Variants in RFX4 observed in about 807,000 individuals in gnomAD.
The protein encoded by RFX4 is transcription factor RFX4.
A neutral mutation model predicts 95.0 loss-of-function variants in RFX4; 10 were observed. The ratio of observed to expected loss-of-function variants is 0.11; its 90% confidence interval spans 0.06 to 0.18. The LOEUF (loss-of-function observed/expected upper bound fraction) is 0.18, where lower values mean the gene tolerates loss of function less well. Ranked by LOEUF, RFX4 falls within the 10% of genes least tolerant of loss-of-function variation. The probability of loss-of-function intolerance (pLI) is 1.00; values close to 1 mark genes in which losing one functional copy is unlikely to be tolerated. For synonymous variants in RFX4, 321 were observed against 340.7 expected, an observed-to-expected ratio of 0.94 and a Z score of 0.64; for missense variants, 640 against 922.0, an observed-to-expected ratio of 0.69 and a Z score of 3.96.
chr12:106,610,873 T>C (rs2039946889), intron 2 of RFX4, among the ~76,000 whole-genome samples: 1 of 152,232 alleles, frequency 6.6e-6, no homozygotes, highest in Non-Finnish European at 1.5e-5. Context: ...CTGTGTTTAA[T>C]TTTTTGAGAA....
intron 8 of RFX4, among the ~76,000 whole-genome samples, chr12:106,706,434 C>T (rs578183687): frequency 2.6e-5 from 4 of 152,190 alleles, no homozygotes; most frequent in South Asian, 4.1e-4. Context: ...TGAGAGATGA[C>T]GGCAGCCTGA....
At chr12:106,684,195 C>A (rs928328010) in intron 5 of RFX4, among the ~76,000 whole-genome samples, 1 of 152,040 alleles carries the variant, frequency 6.6e-6, no homozygotes, top group Non-Finnish European at 1.5e-5. Flanking sequence ...GGTGAAACCC[C>A]ATCTCTACAA....
chr12:106,606,950 A>G (rs1284213054), intron 1 of RFX4, among the ~76,000 whole-genome samples: 1 of 152,210 alleles, frequency 6.6e-6, no homozygotes, highest in Non-Finnish European at 1.5e-5. Context: ...ATGAGGAGTC[A>G]CATTACTTAA....
chr12:106,697,835 G>A (rs1173575850), intron 8 of RFX4, among the ~76,000 whole-genome samples: 1 of 152,116 alleles, frequency 6.6e-6, no homozygotes, highest in Non-Finnish European at 1.5e-5. Flanking sequence ...CTAGGCAAGG[G>A]TGGACATCTT....
intron 4 of RFX4, among the ~76,000 whole-genome samples, chr12:106,666,595 G>A (rs551114253): frequency 4.0e-5 from 6 of 151,638 alleles, no homozygotes; most frequent in South Asian, 4.2e-4. Context: ...TGTTCTGTTC[G>A]GTTTTTCAGT....
chr12:106,734,710 T>A (rs1384599192), intron 15 of RFX4, among the ~76,000 whole-genome samples: 3 of 152,166 alleles, frequency 2.0e-5, no homozygotes, highest in African/African-American at 7.2e-5. Context: ...AGAGAGAGTC[T>A]ATATCCAAAG....
intron 1 of RFX4, among the ~76,000 whole-genome samples, chr12:106,587,827 G>A (rs2039483797): frequency 6.6e-6 from 1 of 152,250 alleles, no homozygotes; most frequent in Admixed American, 6.5e-5. Context: ...GAACGGAACG[G>A]GAAGAGAAGG....
chr12:106,652,704 T>A (rs1386245017), intron 3 of RFX4, among the ~76,000 whole-genome samples: 1 of 152,182 alleles, frequency 6.6e-6, no homozygotes, highest in Non-Finnish European at 1.5e-5. Context: ...GTATTCCCCC[T>A]CTGTGGGGTT....
chr12:106,742,118 A>G (rs562754492), intron 15 of RFX4, among the ~76,000 whole-genome samples: 2 of 152,250 alleles, frequency 1.3e-5, no homozygotes, highest in South Asian at 4.2e-4. Flanking sequence ...GTAGCTTGGG[A>G]AGCACTCTAA....
chr12:106,648,978 C>A (rs111285470), intron 3 of RFX4, among the ~76,000 whole-genome samples: 1 of 152,002 alleles, frequency 6.6e-6, no homozygotes, highest in South Asian at 2.1e-4. Flanking sequence ...CAGATAATGA[C>A]TCATGTTAGC....
chr12:106,725,784 G>A (rs1462570399), intron 13 of RFX4, among the ~76,000 whole-genome samples: 1 of 152,072 alleles, frequency 6.6e-6, no homozygotes, highest in East Asian at 1.9e-4. Context: ...GCACAAAATA[G>A]CATGGTAGAA....
chr12:106,669,839 G>GGTGT (rs60975691), intron 4 of RFX4, among the ~76,000 whole-genome samples: 1,680 of 143,216 alleles, frequency 0.012, 16 homozygotes, highest in South Asian at 0.039. Flanking sequence ...TTTTTCTAGG[G>GGTGT]GTGTGTGTGT....
At chr12:106,664,572 T>TA (rs2041137137) in intron 4 of RFX4, among the ~76,000 whole-genome samples, 1 of 151,832 alleles carries the variant, frequency 6.6e-6, no homozygotes, top group South Asian at 2.1e-4. Flanking sequence ...CTCTAATTCT[T>TA]ATTGTATCTT....
rs1307401340 is a variant in RFX4, at chr12:106,591,261, CCT to C, written c.43+7899_43+7900del. Among the ~76,000 whole-genome samples, 474 of 66,464 alleles carry C rather than the reference CCT, an allele frequency of 7.1e-3. 3 individuals are homozygous for C. Among genetic ancestry groups the C allele is most frequent in the African/African-American group, 0.027 (420 of 15,340 alleles). The allele number at this position is 66,464 out of a possible 152,430, so 43.6% of individuals were successfully genotyped here. On this transcript the variant is annotated intron_variant, in intron 1 of 17. Transcript: ENST00000392842. ...CCTATATGAAAGTGTTAAAATAGTCCCTTTTTTTTTTTTTTTTTTTTTTTTTG... is the reference window on the plus strand; with the variant it reads ...CCTATATGAAAGTGTTAAAATAGTCCTTTTTTTTTTTTTTTTTTTTTTTTG...
In RFX4 at chr12:106,601,449, C is replaced by T. The variant is rs999013182; in HGVS notation, c.44-7348C>T. On this transcript the variant is annotated intron_variant, in intron 1 of 17. Transcript: ENST00000392842. The stretch of plus-strand genomic sequence containing the variant: ...GGTAGCTGTGAGTGTGGCATGTCAA[C>T]TCTTTTATGTAGCGTTTCTGGAGCT... The T allele has an allele frequency of 8.9e-5, 109 of 1,223,158 alleles. 1 individual carries two copies. The highest frequency in any genetic ancestry group is 1.2e-4 in the Non-Finnish European group (103 of 874,426). 75.8% of individuals were successfully genotyped at this position (1,223,158 alleles called of 1,614,324 possible). A position where few individuals can be genotyped will look rare whatever the true frequency, so the allele number is the denominator to read the frequency against.
At chr12:106,678,491 G>GA (rs927035088) in intron 4 of RFX4, among the ~76,000 whole-genome samples, 2 of 151,944 alleles carry the variant, frequency 1.3e-5, no homozygotes, top group African/African-American at 4.8e-5. Context: ...AGGAAAGAAA[G>GA]AAAAAAATAA....
chr12:106,672,111 T>C (rs755264787), intron 4 of RFX4, among the ~76,000 whole-genome samples: 1 of 152,208 alleles, frequency 6.6e-6, no homozygotes, highest in Non-Finnish European at 1.5e-5. Context: ...TGTTTGAACA[T>C]GCCATCTCGG....
At chr12:106,663,764 T>C (rs576942704) in intron 4 of RFX4, among the ~76,000 whole-genome samples, 1 of 151,938 alleles carries the variant, frequency 6.6e-6, no homozygotes, top group East Asian at 1.9e-4. Flanking sequence ...GCGTTTTTTT[T>C]TTTTCAAATC....
At chr12:106,676,723 G>T (rs1247820366) in intron 4 of RFX4, among the ~76,000 whole-genome samples, 1 of 152,114 alleles carries the variant, frequency 6.6e-6, no homozygotes, top group Non-Finnish European at 1.5e-5. Flanking sequence ...CATAGCAGAG[G>T]CCACCAGAAC....
Sources: allele counts gnomAD v4.1 joint callset (sites outside exome capture counted in the v4.1 genomes callset), GRCh38; gene constraint gnomAD v4.1.1; transcripts MANE v1.5; gene names NCBI Gene and HGNC (gene_info 2026-07-23, HGNC 2026-07-21).